Variants in TNFSF4 observed in about 807,000 individuals in gnomAD.
TNFSF4 encodes tumor necrosis factor ligand superfamily member 4.
TNFSF4 carries 4 observed loss-of-function variants against 7.3 expected under a neutral mutation model. The ratio of observed to expected loss-of-function variants is 0.55; its 90% CI spans 0.27 to 1.25. The LOEUF is 1.25. Among genes scored for constraint, TNFSF4 ranks in the 50% most tolerant of loss-of-function variants. The probability of loss-of-function intolerance (pLI) is 0.12; values close to 1 mark genes in which losing one functional copy is unlikely to be tolerated. For synonymous variants in TNFSF4, 76 were observed against 83.7 expected (o/e 0.91, Z 0.50); for missense variants, 181 against 208.8 (o/e 0.87, Z 0.82).
the TNFSF4 span, among the ~76,000 whole-genome samples, chr1:173,237,597 T>C: frequency 2.0e-5 from 3 of 152,170 alleles, no homozygotes; most frequent in Non-Finnish European, 4.4e-5. Context: ...ATCAGTAGCA[T>C]TCTTATACAC....
chr1:173,189,561 C>T (rs779564247), intron 1 of TNFSF4, among the ~76,000 whole-genome samples: 9 of 151,966 alleles, frequency 5.9e-5, no homozygotes, highest in Non-Finnish European at 1.0e-4. Flanking sequence ...GACAGGAAAC[C>T]TGATAGATAA....
At chr1:173,427,408 G>C in the TNFSF4 span, among the ~76,000 whole-genome samples, 3 of 152,196 alleles carry the variant, frequency 2.0e-5, no homozygotes, top group African/African-American at 7.2e-5. Context: ...ATGCACGGGA[G>C]AGCCCGCCCC....
chr1:173,175,202 T>A, the TNFSF4 span: 1 of 152,206 alleles, frequency 6.6e-6, no homozygotes, highest in Non-Finnish European at 1.5e-5. Context: ...TCAGTAGACC[T>A]ACAATTAAGT....
chr1:173,288,838 T>C, the TNFSF4 span, among the ~76,000 whole-genome samples: 2 of 151,700 alleles, frequency 1.3e-5, no homozygotes, highest in South Asian at 4.2e-4. Flanking sequence ...CTTGACATGA[T>C]GGAATAATTG....
the TNFSF4 span, among the ~76,000 whole-genome samples, chr1:173,381,687 G>C: frequency 1.3e-5 from 2 of 152,192 alleles, no homozygotes; most frequent in Non-Finnish European, 2.9e-5. Flanking sequence ...CTATCCAGCA[G>C]GAAGTAGCTA....
the TNFSF4 span, among the ~76,000 whole-genome samples, chr1:173,395,032 AT>A: frequency 3.1e-5 from 3 of 98,008 alleles, no homozygotes; most frequent in Non-Finnish European, 6.8e-5. Context: ...AGATAGATAG[AT>A]AGATGATAGA....
At chr1:173,307,477 C>T in the TNFSF4 span, among the ~76,000 whole-genome samples, 6,474 of 151,852 alleles carry the variant, frequency 0.043, 352 homozygotes, top group African/African-American at 0.13. Flanking sequence ...CAACTAAATA[C>T]AGTGCATGAT....
chr1:173,229,205 G>C, the TNFSF4 span, among the ~76,000 whole-genome samples: 1 of 152,296 alleles, frequency 6.6e-6, no homozygotes, highest in South Asian at 2.1e-4. Context: ...ACCCACAAAG[G>C]GAAGCCCATC....
chr1:173,384,820 C>T, the TNFSF4 span, among the ~76,000 whole-genome samples: 1 of 152,132 alleles, frequency 6.6e-6, no homozygotes, highest in Non-Finnish European at 1.5e-5. Context: ...CCCATTTTTT[C>T]TCATGAATAT....
the TNFSF4 span, among the ~76,000 whole-genome samples, chr1:173,260,716 C>T: frequency 6.6e-6 from 1 of 152,012 alleles, no homozygotes; most frequent in South Asian, 2.1e-4. Flanking sequence ...AGACTTTAAA[C>T]CAACTAAGAT....
the TNFSF4 span, among the ~76,000 whole-genome samples, chr1:173,420,966 T>C: frequency 4.6e-5 from 7 of 152,350 alleles, no homozygotes; most frequent in Admixed American, 1.3e-4. Context: ...ATTTGTTTTT[T>C]ACTATGCACC....
At chr1:173,359,703 G>A in the TNFSF4 span, among the ~76,000 whole-genome samples, 4 of 135,844 alleles carry the variant, frequency 2.9e-5, no homozygotes, top group Non-Finnish European at 4.8e-5. Flanking sequence ...TGCTCTATCT[G>A]TCCTAAACCT....
rs779554394 is a variant in TNFSF4, at chr1:173,186,594, G to A, written c.474C>T (p.Thr158=). Residue 158 remains threonine (T), a synonymous_variant, in exon 3 of 3, where the codon ACC becomes ACT. Transcript: ENST00000281834. ...KVYLNVTTDN[T]SLDDFHVNGG... Reference sequence around the variant, plus strand: ...CATTCACATGGAAGTCATCCAGGGAGGTATTGTCAGTGGTCACATTCAAGT... The same window carrying A: ...CATTCACATGGAAGTCATCCAGGGAAGTATTGTCAGTGGTCACATTCAAGT... 5 of 1,614,014 alleles carry A rather than the reference G, an allele frequency of 3.1e-6. No individual in the cohort carries two copies. In the African/African-American group the frequency reaches 6.7e-5, roughly 22 times the overall value.
the TNFSF4 span, among the ~76,000 whole-genome samples, chr1:173,327,998 T>C: frequency 5.3e-5 from 8 of 152,182 alleles, no homozygotes; most frequent in African/African-American, 1.9e-4. Context: ...GCAATCCCAT[T>C]ACTGGGTATA....
the TNFSF4 span, among the ~76,000 whole-genome samples, chr1:173,217,383 A>G: frequency 3.3e-5 from 5 of 152,184 alleles, no homozygotes; most frequent in African/African-American, 4.8e-5. Context: ...CAAAAGTCAG[A>G]TCTGTATGCA....
chr1:173,341,670 T>G, the TNFSF4 span, among the ~76,000 whole-genome samples: 1 of 152,224 alleles, frequency 6.6e-6, no homozygotes, highest in South Asian at 2.1e-4. Context: ...TTCACAGAAC[T>G]GCTATGAGAT....
chr1:173,434,595 A>G, the TNFSF4 span, among the ~76,000 whole-genome samples: 1 of 152,234 alleles, frequency 6.6e-6, no homozygotes, highest in South Asian at 2.1e-4. Context: ...GTAGTTTTCT[A>G]AAAGTTACCA....
the TNFSF4 span, among the ~76,000 whole-genome samples, chr1:173,388,318 A>G: frequency 6.6e-6 from 1 of 152,228 alleles, no homozygotes; most frequent in East Asian, 1.9e-4. Flanking sequence ...TTATATATGC[A>G]TATGCATGTT....
At chr1:173,316,988 TG>T in the TNFSF4 span, among the ~76,000 whole-genome samples, 1 of 152,208 alleles carries the variant, frequency 6.6e-6, no homozygotes, top group Non-Finnish European at 1.5e-5. Flanking sequence ...TCTGTGAATC[TG>T]GGATAGTTTT....
Sources: allele counts gnomAD v4.1 joint callset (sites outside exome capture counted in the v4.1 genomes callset), GRCh38; gene constraint gnomAD v4.1.1; transcripts MANE v1.5; gene names NCBI Gene and HGNC (gene_info 2026-07-23, HGNC 2026-07-21).